GAS2: variants seen among roughly 807,000 people sequenced by gnomAD.
GAS2 encodes the protein growth arrest-specific protein 2.
Under a neutral mutation model 37.5 loss-of-function variants are expected in GAS2, and 20 were observed. That is an observed-to-expected ratio of 0.53 (90% confidence interval 0.37 to 0.77). The LOEUF (loss-of-function observed/expected upper bound fraction) is 0.77. Among genes scored for constraint, GAS2 ranks in the 30% least tolerant of loss-of-function variants. GAS2 has a pLI of 0.00. For missense variants in GAS2, 336 were observed against 373.4 expected (o/e 0.90, Z 0.82); for synonymous variants, 144 against 132.2 (o/e 1.09, Z -0.61).
chr11:22,653,692 C>G (rs969410874), intron 1 of GAS2, among the ~76,000 whole-genome samples: 5 of 151,912 alleles, frequency 3.3e-5, no homozygotes, highest in African/African-American at 1.2e-4. Flanking sequence ...AGAAAAGAAG[C>G]TTCAAATAGT....
At chr11:22,707,286 G>A (rs1333703460) in intron 3 of GAS2, among the ~76,000 whole-genome samples, 1 of 152,178 alleles carries the variant, frequency 6.6e-6, no homozygotes, top group Non-Finnish European at 1.5e-5. Flanking sequence ...ACCTTCATGA[G>A]TACCTGAGGG....
chr11:22,788,970 T>G (rs1188111505), intron 7 of GAS2, among the ~76,000 whole-genome samples: 6 of 152,052 alleles, frequency 3.9e-5, no homozygotes, highest in African/African-American at 9.7e-5. Context: ...AATTATTAAT[T>G]ATCATTTAAT....
At chr11:22,781,664 T>C (rs186423007) in intron 7 of GAS2, among the ~76,000 whole-genome samples, 45 of 152,294 alleles carry the variant, frequency 3.0e-4, no homozygotes, top group African/African-American at 1.0e-3. Context: ...TTAGTCTGTG[T>C]TTGGAGCTAA....
rs71037529 is a variant in GAS2, at chr11:22,789,457, CTTTTTTTTTTT to C, written c.724-22329_724-22319del. On this transcript the variant is annotated intron_variant, in intron 7 of 7. Coordinates refer to ENST00000454584, the MANE Select transcript of GAS2 (RefSeq NM_001143830.3). The stretch of plus-strand genomic sequence containing the variant: ...ATATATATATATATATATATATATT[CTTTTTTTTTTT>C]TTTTTTTTTTTGAGGCAGAGTCTTG... 1.3e-4 allele frequency among the ~76,000 whole-genome samples: 4 copies of C among 31,410 alleles called. 1 individual carries two copies. The Admixed American group carries it at 2.1e-3, about 16-fold the overall frequency. The allele number at this position is 31,410 out of a possible 152,430, so 20.6% of individuals were successfully genotyped here. A position where few individuals can be genotyped will look rare whatever the true frequency, so the allele number is the denominator to read the frequency against.
chr11:22,645,115 C>T (rs1365380080), intron 1 of GAS2, among the ~76,000 whole-genome samples: 1 of 152,172 alleles, frequency 6.6e-6, no homozygotes, highest in Non-Finnish European at 1.5e-5. Context: ...GCCAATTCTA[C>T]ATATCATAAA....
chr11:22,789,198 A>T (rs1016272920), intron 7 of GAS2, among the ~76,000 whole-genome samples: 6 of 148,270 alleles, frequency 4.0e-5, no homozygotes, highest in Admixed American at 3.4e-4. Flanking sequence ...TGATGGAGAT[A>T]CTTTTGGGAA....
intron 1 of GAS2, among the ~76,000 whole-genome samples, chr11:22,650,342 G>A (rs1848758310): frequency 1.3e-5 from 2 of 150,906 alleles, no homozygotes. Context: ...TTCCAAGTAT[G>A]TGGTCAATTT....
chr11:22,648,057 G>A (rs554877826), intron 1 of GAS2, among the ~76,000 whole-genome samples: 1 of 152,178 alleles, frequency 6.6e-6, no homozygotes, highest in Non-Finnish European at 1.5e-5. Context: ...ATGGTTTTAG[G>A]TCTAACGTTT....
intron 1 of GAS2, among the ~76,000 whole-genome samples, chr11:22,632,115 T>G (rs999196508): frequency 6.6e-6 from 1 of 152,082 alleles, no homozygotes; most frequent in African/African-American, 2.4e-5. Context: ...TGCAAAGAGG[T>G]GTTCTTCGTA....
intron 1 of GAS2, among the ~76,000 whole-genome samples, chr11:22,648,205 C>G (rs1250002814): frequency 4.0e-5 from 6 of 151,456 alleles, no homozygotes; most frequent in African/African-American, 1.2e-4. Flanking sequence ...GCTTGTTTTT[C>G]TCAGGTTTGT....
chr11:22,696,317 C>T (rs12225628), intron 3 of GAS2, among the ~76,000 whole-genome samples: 6,260 of 151,918 alleles, frequency 0.041, 211 homozygotes, highest in East Asian at 0.2. Context: ...GTATATGTGC[C>T]ACATTTTCTT....
chr11:22,797,590 T>C (rs1459226062), intron 7 of GAS2, among the ~76,000 whole-genome samples: 1 of 152,110 alleles, frequency 6.6e-6, no homozygotes, highest in African/African-American at 2.4e-5. Flanking sequence ...ACTAGTGCAC[T>C]GTGTGTCCTT....
At chr11:22,676,449 G>A (rs889704423) in intron 2 of GAS2, among the ~76,000 whole-genome samples, 2 of 152,084 alleles carry the variant, frequency 1.3e-5, no homozygotes, top group Non-Finnish European at 2.9e-5. Context: ...GAGCACAGGC[G>A]CTGGAAATAG....
At chr11:22,703,495 G>A (rs1850948891) in intron 3 of GAS2, among the ~76,000 whole-genome samples, 1 of 152,150 alleles carries the variant, frequency 6.6e-6, no homozygotes. Context: ...GAATATGTAT[G>A]CTATTTCTTA....
intron 3 of GAS2, among the ~76,000 whole-genome samples, chr11:22,700,211 C>T (rs888978585): frequency 1.3e-5 from 2 of 152,128 alleles, no homozygotes; most frequent in South Asian, 4.1e-4. Flanking sequence ...TAATACCTAG[C>T]ATATAGATGC....
intron 7 of GAS2, among the ~76,000 whole-genome samples, chr11:22,766,356 G>T (rs1165876201): frequency 1.3e-5 from 2 of 151,804 alleles, no homozygotes; most frequent in South Asian, 4.1e-4. Flanking sequence ...AGATTACACA[G>T]TAAGTGTCAA....
chr11:22,686,137 G>A (rs762843839), intron 3 of GAS2, among the ~76,000 whole-genome samples: 5 of 152,114 alleles, frequency 3.3e-5, no homozygotes, highest in Non-Finnish European at 7.4e-5. Context: ...AAGATTTACT[G>A]AATAGATCTT....
chr11:22,743,684 G>A (rs1176404556), intron 5 of GAS2, among the ~76,000 whole-genome samples: 2 of 151,974 alleles, frequency 1.3e-5, no homozygotes. Context: ...ATGGAAAATA[G>A]ACTCATCGAA....
At chr11:22,767,102 T>C (rs1210014953) in intron 7 of GAS2, among the ~76,000 whole-genome samples, 1 of 152,132 alleles carries the variant, frequency 6.6e-6, no homozygotes, top group Non-Finnish European at 1.5e-5. Flanking sequence ...TATCTTTCTT[T>C]TATATTGTTT....
Sources: gnomAD v4.1 joint callset for allele counts (sites outside exome capture counted in the v4.1 genomes callset) on GRCh38, gnomAD v4.1.1 for gene constraint, MANE v1.5 for transcripts, NCBI Gene and HGNC (gene_info 2026-07-23, HGNC 2026-07-21) for gene names.